Variants in UBR2 observed in about 807,000 individuals in gnomAD.
UBR2 encodes ubiquitin protein ligase E3 component n-recognin 2.
Under a neutral mutation model 247.9 loss-of-function variants are expected in UBR2, and 92 were observed. That is an observed-to-expected ratio of 0.37 (90% CI 0.31 to 0.44). The LOEUF (loss-of-function observed/expected upper bound fraction) is 0.44, where lower values mean the gene tolerates loss of function less well. Ranked by LOEUF, UBR2 falls within the 20% of genes least tolerant of loss-of-function variation. UBR2 has a pLI of 1.00. For missense variants in UBR2, 1,613 were observed against 2,112.6 expected (o/e 0.76, Z 4.64); for synonymous variants, 672 against 693.5 (o/e 0.97, Z 0.49).
intron 4 of UBR2, among the ~76,000 whole-genome samples, chr6:42,595,951 T>G (rs900450400): frequency 6.6e-6 from 1 of 151,720 alleles, no homozygotes; most frequent in African/African-American, 2.4e-5. Context: ...TTGGAGAAGC[T>G]CCATTTTTAT....
At chr6:42,655,795 T>C (rs1281887149) in intron 26 of UBR2, 72 bp downstream of exon 26, 4 of 902,946 alleles carry the variant, frequency 4.4e-6, no homozygotes, top group Non-Finnish European at 4.8e-6. Context: ...ATAACCTCTT[T>C]TATTTGATCA....
chr6:42,573,525 T>C (rs1409006078), intron 1 of UBR2, among the ~76,000 whole-genome samples: 1 of 152,228 alleles, frequency 6.6e-6, no homozygotes, highest in Non-Finnish European at 1.5e-5. Flanking sequence ...GCTTGTTTCA[T>C]TTTAATTTTA....
intron 1 of UBR2, among the ~76,000 whole-genome samples, chr6:42,564,773 C>G (rs62414599): frequency 6.6e-6 from 1 of 152,124 alleles, no homozygotes; most frequent in Admixed American, 6.5e-5. Flanking sequence ...TATAATCGCC[C>G]TAGTTTATCT....
At chr6:42,597,646 G>T (rs1280109146) in intron 4 of UBR2, among the ~76,000 whole-genome samples, 2 of 151,916 alleles carry the variant, frequency 1.3e-5, no homozygotes, top group African/African-American at 4.8e-5. Flanking sequence ...AGGCGTGGTG[G>T]CTGACACCTG....
chr6:42,617,309 T>A, intron 10 of UBR2, 100 bp from the exon 11 acceptor site: 1 of 1,614,160 alleles, frequency 6.2e-7, no homozygotes, highest in African/African-American at 1.3e-5. Context: ...GACTGCTCTA[T>A]CTGTCCAGTT....
chr6:42,609,697 C>G (rs1281891818), intron 7 of UBR2, among the ~76,000 whole-genome samples: 1 of 151,232 alleles, frequency 6.6e-6, no homozygotes, highest in Non-Finnish European at 1.5e-5. Flanking sequence ...CCAGCCTAAG[C>G]AACATGGCAA....
rs918845936 is a variant in UBR2, at chr6:42,566,631, G to C, written c.78+2234G>C. Among the ~76,000 whole-genome samples, 9 of 152,148 alleles carry C rather than the reference G, an allele frequency of 5.9e-5. No homozygotes were observed. The South Asian group carries it at 6.2e-4, about 11-fold the overall frequency. On this transcript the variant is annotated intron_variant, in intron 1 of 46. Transcript: ENST00000372901. Reference sequence around the variant, plus strand: ...TCGAACTCCTGACCTCAGGTTATCCGTCCGCCTTGGCCTCCCAAAGTCCTG... The same window carrying C: ...TCGAACTCCTGACCTCAGGTTATCCCTCCGCCTTGGCCTCCCAAAGTCCTG...
rs1308407818 is a variant in UBR2, at chr6:42,674,164, A to G, written c.4222A>G (p.Ile1408Val). 6 of 1,613,854 alleles carry G rather than the reference A, an allele frequency of 3.7e-6. No homozygotes were observed. In the Admixed American group the frequency reaches 5.0e-5, roughly 13 times the overall value. Reference protein sequence around the residue: ...PNDSHEELPCILDIDMFHLLV... With the variant: ...PNDSHEELPCVLDIDMFHLLV... Reference sequence around the variant, plus strand: ...TGACAGCCATGAGGAACTTCCATGCATATTAGATATTGACATGTTTCATTT... The same window carrying G: ...TGACAGCCATGAGGAACTTCCATGCGTATTAGATATTGACATGTTTCATTT... The change falls in exon 38 of 47, where the codon ATA becomes GTA. Residue 1408 changes from isoleucine to valine, a missense_variant. Coordinates refer to ENST00000372901, the MANE Select transcript of UBR2 (RefSeq NM_001363705.2).
At chr6:42,675,779 G>A (rs1019867603) in intron 38 of UBR2, among the ~76,000 whole-genome samples, 1 of 152,052 alleles carries the variant, frequency 6.6e-6, no homozygotes, top group South Asian at 2.1e-4. Context: ...GGCCAACGTG[G>A]CAAAACCTCA....
intron 14 of UBR2, among the ~76,000 whole-genome samples, chr6:42,636,118 G>A (rs1322951424): frequency 6.6e-6 from 1 of 151,856 alleles, no homozygotes; most frequent in African/African-American, 2.4e-5. Flanking sequence ...CACAGAAGTA[G>A]AGAACAGAGA....
chr6:42,587,646 C>T (rs904064462), intron 2 of UBR2, among the ~76,000 whole-genome samples: 3 of 152,196 alleles, frequency 2.0e-5, no homozygotes, highest in African/African-American at 7.2e-5. Context: ...GCATGAACCA[C>T]CAAGCCCAGA....
In UBR2 at chr6:42,592,136, T is replaced by G. The variant is rs756536567; in HGVS notation, c.339-15T>G. ...TATTTTCTGACACTTTGATTTTTTT[T>G]TTTTAACTTTACAGAGACTGTGCAG... On this transcript the variant is annotated splice_polypyrimidine_tract_variant and intron_variant, in intron 2 of 46. Coordinates refer to ENST00000372901, the MANE Select transcript of UBR2 (RefSeq NM_001363705.2). The G allele has an allele frequency of 4.4e-6, 7 of 1,599,758 alleles. No individual in the cohort carries two copies. Among genetic ancestry groups the G allele is most frequent in the Non-Finnish European group, 6.0e-6 (7 of 1,175,510 alleles).
intron 43 of UBR2, 86 bp from the exon 44 acceptor site, chr6:42,684,708 A>T: frequency 1.1e-6 from 1 of 906,926 alleles, no homozygotes. Flanking sequence ...TACCCGGGCT[A>T]GGCAGGTATG....
At chr6:42,634,291 A>G (rs868489724) in intron 13 of UBR2, 2 of 425,172 alleles carry the variant, frequency 4.7e-6, no homozygotes, top group Middle Eastern at 3.4e-4. Context: ...GTAGAAACGA[A>G]CAGGTATATT....
rs200837255 is a variant in UBR2, at chr6:42,652,496, C to A, written c.2620C>A (p.Pro874Thr). The A allele has an allele frequency of 6.2e-7, 1 of 1,600,370 alleles. No homozygotes were observed. The highest frequency in any genetic ancestry group is 8.5e-7 in the Non-Finnish European group (1 of 1,176,732). ...KRQNREDTAL[P>T]PPVLPPFCPL... is the part of the protein sequence containing the mutation. ...AATAACAACTGTATTTTCAGCACTC[C>A]CACCTCCGGTGTTGCCTCCATTCTG... The change falls in exon 25 of 47, where the codon CCA becomes ACA. Residue 874 changes from proline (P) to threonine (T), a missense_variant. Pro to Thr is a conservative substitution (Grantham distance 38). Around this residue, in one of 3 missense-constraint regions of UBR2, gnomAD observed 1,524 missense variants for 1,967.3 expected, o/e 0.77. Transcript: ENST00000372901.
chr6:42,671,301 T>C (rs1798420641), intron 36 of UBR2, among the ~76,000 whole-genome samples: 1 of 151,948 alleles, frequency 6.6e-6, no homozygotes, highest in Admixed American at 6.6e-5. Flanking sequence ...TCCCAACTAC[T>C]TAAGAGGCTG....
chr6:42,611,918 A>AAAG (rs1794117848), intron 7 of UBR2, among the ~76,000 whole-genome samples: 1 of 151,368 alleles, frequency 6.6e-6, no homozygotes, highest in Non-Finnish European at 1.5e-5. Flanking sequence ...AAAAAAGAAA[A>AAAG]AAAAAAAAAA....
intron 4 of UBR2, among the ~76,000 whole-genome samples, chr6:42,594,690 A>G (rs1017817440): frequency 3.9e-5 from 6 of 152,180 alleles, no homozygotes; most frequent in South Asian, 2.1e-4. Context: ...GTTACCATAC[A>G]TGACAGCCAA....
At chr6:42,662,323 C>A (rs768999384) in intron 31 of UBR2, 46 bp downstream of exon 31, 4 of 1,222,932 alleles carry the variant, frequency 3.3e-6, no homozygotes, top group South Asian at 1.4e-5. Context: ...TATCTAAGGG[C>A]TCAATATTTT....
Sources: allele counts gnomAD v4.1 joint callset (sites outside exome capture counted in the v4.1 genomes callset), GRCh38; gene constraint gnomAD v4.1.1; regional missense constraint gnomAD v4.1.1; transcripts MANE v1.5; gene names NCBI Gene and HGNC (gene_info 2026-07-23, HGNC 2026-07-21).